LHFPL3: variants seen among roughly 807,000 people sequenced by gnomAD.
LHFPL3 encodes LHFPL tetraspan subfamily member 3.
A neutral mutation model predicts 19.3 loss-of-function variants in LHFPL3; 5 were observed. The observed-to-expected ratio is 0.26, with a 90% CI of 0.14 to 0.54. LHFPL3 has a LOEUF of 0.54. LHFPL3 is among the 20% of genes least tolerant of loss of function. LHFPL3 has a pLI of 0.94. For synonymous variants in LHFPL3, 133 were observed against 126.2 expected, an observed-to-expected ratio of 1.05 and a Z score of -0.36; for missense variants, 249 against 307.4, an observed-to-expected ratio of 0.81 and a Z score of 1.42.
At chr7:104,631,737 G>T (rs1209961308) in intron 1 of LHFPL3, among the ~76,000 whole-genome samples, 1 of 152,138 alleles carries the variant, frequency 6.6e-6, no homozygotes, top group African/African-American at 2.4e-5. Flanking sequence ...ATGAACTACA[G>T]CACTTCTGAA....
At chr7:104,496,211 T>A (rs573885277) in intron 1 of LHFPL3, among the ~76,000 whole-genome samples, 3 of 152,118 alleles carry the variant, frequency 2.0e-5, no homozygotes, top group Non-Finnish European at 2.9e-5. Context: ...TGAGTGAGAA[T>A]ATGCGGTGTT....
chr7:104,824,465 TATATA>T (rs369338799), intron 2 of LHFPL3, among the ~76,000 whole-genome samples: 10,278 of 61,690 alleles, frequency 0.17, 1,021 homozygotes, highest in East Asian at 0.47. Flanking sequence ...TATAATTTTA[TATATA>T]ATATATAATT....
intron 1 of LHFPL3, among the ~76,000 whole-genome samples, chr7:104,453,840 G>C (rs891054658): frequency 1.4e-4 from 22 of 152,010 alleles, no homozygotes; most frequent in Non-Finnish European, 2.1e-4. Context: ...ACTTGCTCCT[G>C]CTTCAGCCAC....
At chr7:104,869,978 A>T (rs934296570) in intron 2 of LHFPL3, among the ~76,000 whole-genome samples, 24 of 152,156 alleles carry the variant, frequency 1.6e-4, no homozygotes, top group African/African-American at 5.6e-4. Context: ...ATTCTCAGCA[A>T]ACTATCACAA....
At chr7:104,884,285 G>C (rs931787348) in intron 2 of LHFPL3, among the ~76,000 whole-genome samples, 4 of 151,894 alleles carry the variant, frequency 2.6e-5, no homozygotes, top group Non-Finnish European at 2.9e-5. Flanking sequence ...CTTCCACTTC[G>C]TTCTCTGTTT....
intron 1 of LHFPL3, among the ~76,000 whole-genome samples, chr7:104,537,386 A>G (rs977011122): frequency 3.3e-5 from 5 of 152,224 alleles, no homozygotes; most frequent in Non-Finnish European, 7.3e-5. Context: ...ACTATTCATA[A>G]GAAAGTTATT....
chr7:104,396,135 A>T (rs543763474), intron 1 of LHFPL3, among the ~76,000 whole-genome samples: 1 of 152,230 alleles, frequency 6.6e-6, no homozygotes, highest in African/African-American at 2.4e-5. Flanking sequence ...ATTGCTTTGG[A>T]GGTTATGTGT....
chr7:104,587,932 C>T (rs1404768381), intron 1 of LHFPL3, among the ~76,000 whole-genome samples: 4 of 152,134 alleles, frequency 2.6e-5, no homozygotes, highest in African/African-American at 9.7e-5. Context: ...TGAGAAGTGT[C>T]TGTTCATATC....
chr7:104,794,462 A>G (rs1222785779), intron 2 of LHFPL3, among the ~76,000 whole-genome samples: 1 of 152,236 alleles, frequency 6.6e-6, no homozygotes, highest in African/African-American at 2.4e-5. Context: ...TGATGTTGAT[A>G]GCAAAGAAGT....
chr7:104,777,874 T>C (rs1794658465), intron 2 of LHFPL3, among the ~76,000 whole-genome samples: 1 of 150,640 alleles, frequency 6.6e-6, no homozygotes. Context: ...GAAAAAGGAG[T>C]GTGGGGATCT....
chr7:104,348,205 T>C (rs1420944177), intron 1 of LHFPL3, among the ~76,000 whole-genome samples: 2 of 152,116 alleles, frequency 1.3e-5, no homozygotes, highest in Admixed American at 1.3e-4. Context: ...GCCAACGTGG[T>C]GAAACCTCAT....
At chr7:104,558,010 A>G (rs1358836007) in intron 1 of LHFPL3, among the ~76,000 whole-genome samples, 2 of 150,438 alleles carry the variant, frequency 1.3e-5, no homozygotes, top group East Asian at 1.9e-4. Context: ...ACATGAACTC[A>G]TCATTTTTTA....
chr7:104,905,450 A>G (rs528377559), intron 2 of LHFPL3, among the ~76,000 whole-genome samples: 103 of 152,270 alleles, frequency 6.8e-4, no homozygotes, highest in African/African-American at 2.4e-3. Flanking sequence ...GGTGGGGCAC[A>G]GTAGCGCACA....
At chr7:104,554,670 GA>G (rs1264108545) in intron 1 of LHFPL3, among the ~76,000 whole-genome samples, 29 of 150,870 alleles carry the variant, frequency 1.9e-4, no homozygotes, top group African/African-American at 6.2e-4. Context: ...TAGATAGATA[GA>G]TAGATAGATA....
chr7:104,399,686 C>A lies in LHFPL3; in HGVS notation c.445+70462C>A, dbSNP rs1791272164. Among the ~76,000 whole-genome samples, 1 of 147,618 alleles carries A rather than the reference C, an allele frequency of 6.8e-6. No homozygotes were observed. Among genetic ancestry groups the A allele is most frequent in the Admixed American group, 6.8e-5 (1 of 14,606 alleles). On this transcript the variant is annotated intron_variant, in intron 1 of 2. Transcript: ENST00000424859. The surrounding 1 kb of genome is among the most constrained non-coding windows in gnomAD (Gnocchi z 4.4). ...ACGGGGTTTCACCATATTGGCCAGG[C>A]TGGTCTTGAACTCCCAACCTCGTGC...
intron 1 of LHFPL3, among the ~76,000 whole-genome samples, chr7:104,471,470 A>G (rs909269190): frequency 6.6e-6 from 1 of 152,212 alleles, no homozygotes; most frequent in African/African-American, 2.4e-5. Flanking sequence ...TAAGGTAGAT[A>G]TTATTACTCT....
chr7:104,885,778 C>G (rs1481868045), intron 2 of LHFPL3, among the ~76,000 whole-genome samples: 1 of 152,082 alleles, frequency 6.6e-6, no homozygotes, highest in East Asian at 1.9e-4. Flanking sequence ...TCACCCCCCT[C>G]CCCTTCTCCC....
At chr7:104,736,634 A>T (rs757036964) in intron 1 of LHFPL3, 41 bp from the exon 2 acceptor site, 1 of 1,324,458 alleles carries the variant, frequency 7.6e-7, no homozygotes, top group Non-Finnish European at 1.1e-6. Context: ...TTATTGACTT[A>T]TCTTTTTTGT....
intron 2 of LHFPL3, among the ~76,000 whole-genome samples, chr7:104,871,960 T>A (rs1453395705): frequency 6.6e-6 from 1 of 151,596 alleles, no homozygotes; most frequent in Non-Finnish European, 1.5e-5. Context: ...GCCCAGCCAA[T>A]ATTATTTTTT....
Sources: allele counts gnomAD v4.1 joint callset (sites outside exome capture counted in the v4.1 genomes callset), GRCh38; gene constraint gnomAD v4.1.1; non-coding constraint Gnocchi (gnomAD v3.1); transcripts MANE v1.5; gene names NCBI Gene and HGNC (gene_info 2026-07-23, HGNC 2026-07-21).